Variants in ADAM10 observed in about 807,000 individuals in gnomAD.
ADAM10 encodes disintegrin and metalloproteinase domain-containing protein 10.
Under a neutral mutation model 90.1 loss-of-function variants are expected in ADAM10, and 17 were observed. The observed-to-expected ratio is 0.19, with a 90% confidence interval of 0.13 to 0.28. The LOEUF is 0.28. Among genes scored for constraint, ADAM10 ranks in the 10% least tolerant of loss-of-function variants. ADAM10 has a pLI of 1.00. For missense variants in ADAM10, 610 were observed against 914.3 expected, an observed-to-expected ratio of 0.67 and a Z score of 4.29; for synonymous variants, 310 against 298.6, an observed-to-expected ratio of 1.04 and a Z score of -0.40.
intron 9 of ADAM10, among the ~76,000 whole-genome samples, chr15:58,630,079 G>A (rs1896060601): frequency 6.6e-6 from 1 of 152,092 alleles, no homozygotes. Flanking sequence ...TACCCTCCAT[G>A]TGTACAGTTA....
At chr15:58,719,583 G>A (rs1047867706) in intron 1 of ADAM10, among the ~76,000 whole-genome samples, 1 of 152,112 alleles carries the variant, frequency 6.6e-6, no homozygotes, top group African/African-American at 2.4e-5. Flanking sequence ...GTGGTTAAGG[G>A]CATAAACTCT....
At chr15:58,736,164 A>G (rs1441024967) in intron 1 of ADAM10, among the ~76,000 whole-genome samples, 4 of 152,308 alleles carry the variant, frequency 2.6e-5, no homozygotes, top group African/African-American at 7.2e-5. Flanking sequence ...AGAAGAGGCC[A>G]TAATGATGCA....
At chr15:58,747,192 T>C (rs866697484) in intron 1 of ADAM10, among the ~76,000 whole-genome samples, 1 of 152,200 alleles carries the variant, frequency 6.6e-6, no homozygotes, top group Non-Finnish European at 1.5e-5. Flanking sequence ...GGTTTGCTCC[T>C]ACAACTACAA....
chr15:58,601,773 TC>T (rs1201027584), intron 14 of ADAM10, among the ~76,000 whole-genome samples: 3 of 152,198 alleles, frequency 2.0e-5, no homozygotes, highest in Non-Finnish European at 4.4e-5. Context: ...TTCCAGTGTT[TC>T]CTTGGCTTTT....
chr15:58,608,524 T>C (rs567716882), intron 14 of ADAM10, among the ~76,000 whole-genome samples: 62 of 152,290 alleles, frequency 4.1e-4, no homozygotes, highest in African/African-American at 1.4e-3. Context: ...ATTATGAGCA[T>C]GCTATTCGAA....
chr15:58,592,929 T>C lies in ADAM10; in HGVS notation c.*4618A>G, dbSNP rs1167516927. 1 of 150,396 alleles carries C rather than the reference T, an allele frequency of 6.6e-6. No individual in the cohort carries two copies. The highest frequency in any genetic ancestry group is 2.4e-5 in the African/African-American group (1 of 41,158). The allele number at this position is 150,396 out of a possible 1,614,324, so 9.3% of individuals were successfully genotyped here. A position where few individuals can be genotyped will look rare whatever the true frequency, so the allele number is the denominator to read the frequency against. ...TTCCTAAGAATTGTTTAAAATTCTTTAGAATTGTTTAAAATAATAAACAAT... is the reference window on the plus strand; with the variant it reads ...TTCCTAAGAATTGTTTAAAATTCTTCAGAATTGTTTAAAATAATAAACAAT... On this transcript the variant is annotated 3_prime_UTR_variant, in exon 16 of 16. Transcript: ENST00000260408.
chr15:58,704,406 G>A (rs1208830200), intron 2 of ADAM10, among the ~76,000 whole-genome samples: 3 of 152,038 alleles, frequency 2.0e-5, no homozygotes, highest in African/African-American at 7.2e-5. Context: ...TGTACTTAAT[G>A]CCATTTAATG....
chr15:58,633,065 T>C, intron 9 of ADAM10, 131 bp downstream of exon 9: 1 of 869,062 alleles, frequency 1.2e-6, no homozygotes, highest in East Asian at 2.7e-5. Context: ...GTCAAATACA[T>C]TACTGTGCTC....
chr15:58,678,566 G>A (rs1404037895), intron 4 of ADAM10, among the ~76,000 whole-genome samples: 2 of 152,110 alleles, frequency 1.3e-5, no homozygotes, highest in Non-Finnish European at 2.9e-5. Context: ...AAAAGGTAAA[G>A]TCTAAATACA....
intron 4 of ADAM10, among the ~76,000 whole-genome samples, chr15:58,669,217 A>C (rs1371797997): frequency 2.0e-5 from 3 of 152,194 alleles, no homozygotes; most frequent in Admixed American, 1.3e-4. Context: ...CATGGCATTT[A>C]AGTACCAACT....
intron 4 of ADAM10, among the ~76,000 whole-genome samples, chr15:58,670,583 GT>G (rs1897170306): frequency 6.6e-6 from 1 of 152,064 alleles, no homozygotes; most frequent in African/African-American, 2.4e-5. Context: ...GTAGAGCTAT[GT>G]TTATTGACAC....
chr15:58,606,847 C>A (rs1357269943), intron 14 of ADAM10, among the ~76,000 whole-genome samples: 2 of 152,182 alleles, frequency 1.3e-5, no homozygotes, highest in South Asian at 2.1e-4. Flanking sequence ...CGCTCTCGAT[C>A]AGGAGTTGGC....
rs376381725 is a variant in ADAM10, at chr15:58,749,641, C to T, written c.-107G>A. On this transcript the variant is annotated 5_prime_UTR_variant, in exon 1 of 16. Transcript: ENST00000260408. ...TTGGTCCGGAGCCTCCACGGGAAGC[C>T]GGGACCTCCCCTGGCAGGAGAAACG... is the stretch of plus-strand genomic sequence containing the variant. 1.8e-5 allele frequency: 27 copies of T among 1,527,234 alleles called. No homozygotes were observed. In the East Asian group the frequency reaches 2.8e-4, roughly 16 times the overall value. 94.6% of individuals were successfully genotyped at this position (1,527,234 alleles called of 1,614,324 possible).
chr15:58,624,348 T>C (rs1410821610), intron 10 of ADAM10, among the ~76,000 whole-genome samples: 1 of 151,968 alleles, frequency 6.6e-6, no homozygotes, highest in African/African-American at 2.4e-5. Flanking sequence ...ATATACTAGG[T>C]GAATAATGAT....
chr15:58,685,286 C>T (rs1897558372), intron 2 of ADAM10, among the ~76,000 whole-genome samples: 1 of 150,734 alleles, frequency 6.6e-6, no homozygotes, highest in South Asian at 2.1e-4. Flanking sequence ...ACAGTGAAAC[C>T]CCATCTCTAC....
At chr15:58,621,849 G>A (rs1255661542) in intron 10 of ADAM10, among the ~76,000 whole-genome samples, 2 of 152,174 alleles carry the variant, frequency 1.3e-5, no homozygotes, top group African/African-American at 4.8e-5. Context: ...TACAGTGAGA[G>A]GATTTGACAG....
At chr15:58,694,777 C>T (rs185607724) in intron 2 of ADAM10, among the ~76,000 whole-genome samples, 5 of 148,810 alleles carry the variant, frequency 3.4e-5, no homozygotes, top group African/African-American at 7.4e-5. Context: ...ATTGAAAACA[C>T]GCACTTTTGT....
intron 8 of ADAM10, among the ~76,000 whole-genome samples, chr15:58,640,421 C>T (rs548101035): frequency 1.2e-4 from 19 of 152,198 alleles, no homozygotes; most frequent in African/African-American, 4.3e-4. Flanking sequence ...TCTAAGTACC[C>T]TATTTTGGAG....
In ADAM10 at chr15:58,638,440, C is replaced by T. The variant is rs976436607; in HGVS notation, c.1012+2337G>A. Among the ~76,000 whole-genome samples the T allele has an allele frequency of 4.6e-5, 7 of 151,516 alleles. No individual in the cohort carries two copies. The South Asian group carries it at 1.5e-3, about 32-fold the overall frequency. Reference sequence around the variant, plus strand: ...ACCATCCTGGCTAACACGGTGAAACCCCATCTCCACTAAAAATATAAAAAA... The same window carrying T: ...ACCATCCTGGCTAACACGGTGAAACTCCATCTCCACTAAAAATATAAAAAA... On this transcript the variant is annotated intron_variant, in intron 8 of 15. Transcript: ENST00000260408.
Sources: gnomAD v4.1 joint callset for allele counts (sites outside exome capture counted in the v4.1 genomes callset) on GRCh38, gnomAD v4.1.1 for gene constraint, MANE v1.5 for transcripts, NCBI Gene and HGNC (gene_info 2026-07-23, HGNC 2026-07-21) for gene names.